The following DRAM2 variants were observed in gnomAD, a reference collection of about 807,000 sequenced individuals.
DRAM2 encodes DNA damage regulated autophagy modulator 2.
In DRAM2, 26 loss-of-function variants were observed where a neutral mutation model predicts 33.5. That is an observed-to-expected ratio of 0.78 (90% CI 0.57 to 1.08). The LOEUF is 1.08. Ranked by LOEUF, DRAM2 falls within the 50% of genes least tolerant of loss-of-function variation. The pLI is 0.00. For synonymous variants in DRAM2, 98 were observed against 109.5 expected, an observed-to-expected ratio of 0.89 and a Z score of 0.66; for missense variants, 311 against 318.1, an observed-to-expected ratio of 0.98 and a Z score of 0.17.
chr1:111,129,871 A>G (rs1454954664), intron 4 of DRAM2, among the ~76,000 whole-genome samples: 1 of 152,220 alleles, frequency 6.6e-6, no homozygotes, highest in East Asian at 1.9e-4. Flanking sequence ...TACATACATG[A>G]TAACAAGATA....
intron 5 of DRAM2, 58 bp from the exon 6 acceptor site, chr1:111,124,939 C>A: frequency 6.5e-7 from 1 of 1,533,326 alleles, no homozygotes; most frequent in Non-Finnish European, 8.9e-7. Flanking sequence ...AATAAAGTTG[C>A]CAATGAAGAG....
At chr1:111,138,557 G>A (rs1400057307) in intron 2 of DRAM2, among the ~76,000 whole-genome samples, 2 of 152,150 alleles carry the variant, frequency 1.3e-5, no homozygotes, top group African/African-American at 2.4e-5. Context: ...AGGCCCAGGC[G>A]GGCGGATCAC....
intron 4 of DRAM2, chr1:111,127,954 C>T (rs1651341641): frequency 6.6e-6 from 1 of 152,072 alleles, no homozygotes; most frequent in Admixed American, 6.6e-5. Flanking sequence ...TAAAAATATA[C>T]ATAGATGTTG....
intron 6 of DRAM2, among the ~76,000 whole-genome samples, chr1:111,121,340 C>T (rs1650011652): frequency 6.6e-6 from 1 of 152,044 alleles, no homozygotes. Context: ...TCACCAGAAG[C>T]CAGGAACAGA....
At chr1:111,136,619 G>C (rs1039263766) in intron 3 of DRAM2, among the ~76,000 whole-genome samples, 6 of 151,642 alleles carry the variant, frequency 4.0e-5, no homozygotes, top group Non-Finnish European at 5.9e-5. Context: ...AAAGAAAAAT[G>C]GAATAATGTT....
Position 111,124,736 on chromosome 1 carries a change from A to G in DRAM2, c.339+6T>C. On this transcript the variant is annotated splice_donor_region_variant and intron_variant, in intron 6 of 9. Coordinates refer to ENST00000484310, the MANE Select transcript of DRAM2 (RefSeq NM_001349884.2). ...GAAAATACCTATGCTGGGCTAAAAC[A>G]CAAACCTGGAAGTTTGCCACAATAG... The G allele has an allele frequency of 6.2e-7, 1 of 1,613,170 alleles. No individual in the cohort carries two copies. Among genetic ancestry groups the G allele is most frequent in the Non-Finnish European group, 8.5e-7 (1 of 1,179,520 alleles).
chr1:111,120,079 G>A, intron 7 of DRAM2, 120 bp from the exon 8 acceptor site: 1 of 841,198 alleles, frequency 1.2e-6, no homozygotes, highest in Non-Finnish European at 1.9e-6. Context: ...TTTTCTTAAA[G>A]ACTTAATGTT....
intron 8 of DRAM2, 89 bp from the exon 9 acceptor site, chr1:111,118,986 A>G: frequency 1.2e-6 from 1 of 867,918 alleles, no homozygotes. Context: ...CACAATTCTT[A>G]TAAAATAATG....
intron 9 of DRAM2, 24 bp from the exon 10 acceptor site, chr1:111,118,291 T>C: frequency 6.5e-7 from 1 of 1,538,370 alleles, no homozygotes; most frequent in South Asian, 1.1e-5. Flanking sequence ...GAAAATTATA[T>C]ATAGAAGTTT....
Position 111,122,308 on chromosome 1 carries a change from T to C in DRAM2, c.340-1615A>G, listed in dbSNP as rs79095330. Among the ~76,000 whole-genome samples the C allele has an allele frequency of 7.9e-4, 121 of 152,292 alleles. No homozygotes were observed. The East Asian group carries it at 0.022, about 27-fold the overall frequency. On this transcript the variant is annotated intron_variant, in intron 6 of 9. Coordinates refer to ENST00000484310, the MANE Select transcript of DRAM2 (RefSeq NM_001349884.2). ...TGTAAGAGTGAATGCACAGGAACCA[T>C]TGAGGAGGCTATGGCAGTAGTTCAG...
chr1:111,126,105 T>C (rs993397664), intron 5 of DRAM2, 122 bp downstream of exon 5: 2 of 649,334 alleles, frequency 3.1e-6, no homozygotes, highest in South Asian at 4.2e-5. Flanking sequence ...TGATCAATTA[T>C]TTAGTGATAA....
intron 6 of DRAM2, among the ~76,000 whole-genome samples, chr1:111,122,314 A>C (rs941105989): frequency 2.6e-5 from 4 of 152,206 alleles, no homozygotes; most frequent in African/African-American, 9.6e-5. Flanking sequence ...ACCATTGAGG[A>C]GGCTATGGCA....
intron 9 of DRAM2, chr1:111,118,601 C>T (rs1232878151): frequency 4.1e-6 from 2 of 488,578 alleles, no homozygotes; most frequent in African/African-American, 4.1e-5. Flanking sequence ...ATTTTCAAGG[C>T]TAAATCTTGC....
chr1:111,131,662 C>G (rs754330138), intron 3 of DRAM2, 94 bp from the exon 4 acceptor site: 27 of 1,230,500 alleles, frequency 2.2e-5, no homozygotes, highest in African/African-American at 3.0e-5. Flanking sequence ...ACTTACCACC[C>G]CAAGCTGTTT....
intron 3 of DRAM2, 135 bp from the exon 4 acceptor site, chr1:111,131,703 C>G: frequency 1.3e-6 from 1 of 743,322 alleles, no homozygotes; most frequent in Non-Finnish European, 2.1e-6. Context: ...ATGCCATACC[C>G]CAATACTCGC....
At chr1:111,127,728 A>C (rs2101059791) in intron 4 of DRAM2, among the ~76,000 whole-genome samples, 1 of 152,308 alleles carries the variant, frequency 6.6e-6, no homozygotes, top group African/African-American at 2.4e-5. Context: ...ATGCATTTCC[A>C]AGATGGTTGG....
In DRAM2 at chr1:111,120,002, A is replaced by G. The variant is rs1368101052; in HGVS notation, c.518-43T>C. 10 of 1,519,078 alleles carry G rather than the reference A, an allele frequency of 6.6e-6. 1 individual carries two copies. In the Admixed American group the frequency reaches 1.7e-4, roughly 26 times the overall value. The allele number at this position is 1,519,078 out of a possible 1,614,324, so 94.1% of individuals were successfully genotyped here. On this transcript the variant is annotated intron_variant, in intron 7 of 9. Transcript: ENST00000484310. ...AAGGAAGAATCTCAGAGACGATCTCAGAGAACAAAAATCACTTTACAGTCT... is the reference window on the plus strand; with the variant it reads ...AAGGAAGAATCTCAGAGACGATCTCGGAGAACAAAAATCACTTTACAGTCT...
In DRAM2 at chr1:111,117,181, T is replaced by A. The variant is rs546906357; in HGVS notation, c.*979A>T. On this transcript the variant is annotated 3_prime_UTR_variant, in exon 10 of 10. Transcript: ENST00000484310. Reference sequence around the variant, plus strand: ...ATGCATGTATCACACTTATTTTGCATGTAGTTTAATTGGATTGCCAATTTT... The same window carrying A: ...ATGCATGTATCACACTTATTTTGCAAGTAGTTTAATTGGATTGCCAATTTT... Among the ~76,000 whole-genome samples, 7 of 152,144 alleles carry A rather than the reference T, an allele frequency of 4.6e-5. No homozygotes were observed. Among genetic ancestry groups the A allele is most frequent in the Non-Finnish European group, 1.0e-4 (7 of 67,974 alleles).
intron 3 of DRAM2, among the ~76,000 whole-genome samples, chr1:111,133,074 C>T (rs1557899866): frequency 6.6e-6 from 1 of 152,118 alleles, no homozygotes; most frequent in Non-Finnish European, 1.5e-5. Context: ...CTTCAAAATA[C>T]CAATCTGATC....
Sources: gnomAD v4.1 joint callset for allele counts (sites outside exome capture counted in the v4.1 genomes callset) on GRCh38, gnomAD v4.1.1 for gene constraint, MANE v1.5 for transcripts, NCBI Gene and HGNC (gene_info 2026-07-23, HGNC 2026-07-21) for gene names.